Variants in SH3PXD2A observed in about 807,000 individuals in gnomAD.
SH3PXD2A encodes the protein SH3 and PX domain-containing protein 2A.
In SH3PXD2A, 32 loss-of-function variants were observed where a neutral mutation model predicts 115.2. The observed-to-expected ratio is 0.28, with a 90% CI of 0.21 to 0.37. The LOEUF (loss-of-function observed/expected upper bound fraction) is 0.37. Ranked by LOEUF, SH3PXD2A falls within the 10% of genes least tolerant of loss-of-function variation. The pLI is 1.00. For missense variants in SH3PXD2A, 1,328 were observed against 1,498.7 expected, an observed-to-expected ratio of 0.89 and a Z score of 1.88; for synonymous variants, 610 against 629.1, an observed-to-expected ratio of 0.97 and a Z score of 0.45.
intron 5 of SH3PXD2A, among the ~76,000 whole-genome samples, chr10:103,721,927 C>CT (rs2038187016): frequency 6.6e-6 from 1 of 152,028 alleles, no homozygotes; most frequent in East Asian, 1.9e-4. Context: ...TGGGCTTCTG[C>CT]TTGCAACCTG....
intron 3 of SH3PXD2A, among the ~76,000 whole-genome samples, chr10:103,738,449 T>C (rs1436368387): frequency 1.3e-5 from 2 of 152,204 alleles, no homozygotes; most frequent in Non-Finnish European, 2.9e-5. Flanking sequence ...GCTGGAATTC[T>C]GGGCCTTTCT....
intron 13 of SH3PXD2A, among the ~76,000 whole-genome samples, chr10:103,607,255 C>T (rs1356866694): frequency 2.4e-4 from 36 of 151,622 alleles, no homozygotes; most frequent in African/African-American, 8.7e-4. Context: ...GACTCTCCGC[C>T]TGGCAACCGC....
chr10:103,827,824 C>T (rs4503458), intron 1 of SH3PXD2A, among the ~76,000 whole-genome samples: 22 of 152,208 alleles, frequency 1.4e-4, no homozygotes, highest in African/African-American at 3.6e-4. Flanking sequence ...ATTTGAATTC[C>T]GGCTCTGCCA....
intron 5 of SH3PXD2A, among the ~76,000 whole-genome samples, chr10:103,720,444 G>T (rs1346291040): frequency 1.3e-5 from 2 of 152,218 alleles, no homozygotes; most frequent in African/African-American, 4.8e-5. Flanking sequence ...GCTCAGGCCT[G>T]CTGCCCACCT....
intron 2 of SH3PXD2A, among the ~76,000 whole-genome samples, chr10:103,782,457 A>T (rs1177317758): frequency 6.6e-6 from 1 of 152,174 alleles, no homozygotes; most frequent in Non-Finnish European, 1.5e-5. Context: ...GCTAAATAAA[A>T]CTTGCCTTTA....
intron 3 of SH3PXD2A, among the ~76,000 whole-genome samples, chr10:103,745,561 A>G (rs556404579): frequency 6.6e-6 from 1 of 151,794 alleles, no homozygotes; most frequent in Non-Finnish European, 1.5e-5. Context: ...CCCATGGCAA[A>G]TGGTGAACAA....
intron 5 of SH3PXD2A, among the ~76,000 whole-genome samples, chr10:103,716,485 C>A (rs1467115389): frequency 6.6e-6 from 1 of 152,228 alleles, no homozygotes; most frequent in Non-Finnish European, 1.5e-5. Flanking sequence ...GCAGGGCTAT[C>A]TGCTCCTCCC....
intron 11 of SH3PXD2A, among the ~76,000 whole-genome samples, chr10:103,616,020 G>C (rs1284853165): frequency 6.6e-6 from 1 of 151,168 alleles, no homozygotes; most frequent in South Asian, 2.1e-4. Flanking sequence ...CCAGGGCTCC[G>C]GGGTGGGGCG....
intron 6 of SH3PXD2A, among the ~76,000 whole-genome samples, chr10:103,682,937 C>T (rs1023444912): frequency 1.3e-5 from 2 of 152,062 alleles, no homozygotes; most frequent in South Asian, 2.1e-4. Flanking sequence ...AGGACAAGAA[C>T]GCCTCGGAAA....
intron 2 of SH3PXD2A, among the ~76,000 whole-genome samples, chr10:103,793,318 T>C (rs979801296): frequency 6.6e-6 from 1 of 152,128 alleles, no homozygotes; most frequent in South Asian, 2.1e-4. Context: ...AAAATATAAA[T>C]CTTGTTCTTG....
chr10:103,728,892 TG>T (rs1278627749), intron 4 of SH3PXD2A, among the ~76,000 whole-genome samples: 122 of 136,226 alleles, frequency 9.0e-4, no homozygotes, highest in African/African-American at 3.3e-3. Flanking sequence ...TTTGTTTGTT[TG>T]TTTGTTTTTT....
intron 6 of SH3PXD2A, among the ~76,000 whole-genome samples, chr10:103,690,905 G>A (rs182557689): frequency 1.5e-3 from 235 of 152,044 alleles, no homozygotes; most frequent in Middle Eastern, 0.01. Context: ...GACACTAAGT[G>A]GCCATTATCA....
chr10:103,694,085 T>C (rs576500131), intron 5 of SH3PXD2A, among the ~76,000 whole-genome samples: 2 of 152,286 alleles, frequency 1.3e-5, no homozygotes, highest in East Asian at 1.9e-4. Flanking sequence ...TCCCTTAACC[T>C]GAGCCTCACA....
In SH3PXD2A at chr10:103,836,423, C is replaced by T. The variant is rs1337917279; in HGVS notation, c.72+18772G>A. On this transcript the variant is annotated intron_variant, in intron 1 of 14. Transcript: ENST00000369774. ...CACACACATTCCACACTCAAACCCA[C>T]ACACAGACACATCCATACACACATA... 2.0e-5 allele frequency among the ~76,000 whole-genome samples: 3 copies of T among 151,672 alleles called. No homozygotes were observed. In the East Asian group the frequency reaches 5.8e-4, roughly 29 times the overall value.
intron 1 of SH3PXD2A, among the ~76,000 whole-genome samples, chr10:103,848,021 C>A (rs116711214): frequency 6.6e-6 from 1 of 151,550 alleles, no homozygotes; most frequent in South Asian, 2.1e-4. Context: ...TCAGAAGACA[C>A]AGACATGCTG....
chr10:103,807,304 GC>G (rs1484496793), intron 1 of SH3PXD2A, among the ~76,000 whole-genome samples: 1 of 152,190 alleles, frequency 6.6e-6, no homozygotes, highest in African/African-American at 2.4e-5. Context: ...TGCCCCCTTG[GC>G]TACAAAATGT....
intron 1 of SH3PXD2A, among the ~76,000 whole-genome samples, chr10:103,829,191 T>C (rs1434909714): frequency 6.6e-6 from 1 of 152,190 alleles, no homozygotes; most frequent in Non-Finnish European, 1.5e-5. Context: ...TAGTGATCTG[T>C]AGGATACCAC....
chr10:103,716,813 G>C (rs943205308), intron 5 of SH3PXD2A, among the ~76,000 whole-genome samples: 1 of 152,262 alleles, frequency 6.6e-6, no homozygotes, highest in Non-Finnish European at 1.5e-5. Flanking sequence ...ACTGCCAGCA[G>C]TGGTCAAGAA....
chr10:103,685,181 T>C (rs2037661435), intron 6 of SH3PXD2A, among the ~76,000 whole-genome samples: 1 of 151,474 alleles, frequency 6.6e-6, no homozygotes, highest in Non-Finnish European at 1.5e-5. Context: ...CTACTAAAAA[T>C]ACAAAAAATT....
Sources: gnomAD v4.1 joint callset for allele counts (sites outside exome capture counted in the v4.1 genomes callset) on GRCh38, gnomAD v4.1.1 for gene constraint, MANE v1.5 for transcripts, NCBI Gene and HGNC (gene_info 2026-07-23, HGNC 2026-07-21) for gene names.